The following SPTA1 variants were observed in gnomAD, a reference collection of about 807,000 sequenced individuals.
SPTA1 encodes the protein spectrin alpha chain, erythrocytic 1.
Under a neutral mutation model 324.7 loss-of-function variants are expected in SPTA1, and 177 were observed. That is an observed-to-expected ratio of 0.55 (90% CI 0.48 to 0.62). The LOEUF is 0.62. Among genes scored for constraint, SPTA1 ranks in the 20% least tolerant of loss-of-function variants. SPTA1 has a pLI of 0.00. For missense variants in SPTA1, 3,162 were observed against 2,883.6 expected, an observed-to-expected ratio of 1.10 and a Z score of -2.21; for synonymous variants, 1,195 against 1,041.3, an observed-to-expected ratio of 1.15 and a Z score of -2.84.
Position 158,672,087 on chromosome 1 carries a change from T to A in SPTA1, c.1460A>T (p.Gln487Leu). The stretch of plus-strand genomic sequence containing the variant: ...TTGTCTACTCATCCAACTGTCCACT[T>A]GCTCACTGTCTCTGTAGAAGAGATG... ...DFHLFYRDSE[Q>L]VDSWMSRQEA... is the part of the protein sequence containing the mutation. Residue 487 changes from glutamine to leucine, a missense_variant, in exon 11 of 52, where the codon CAA becomes CTA. Coordinates refer to ENST00000643759, the MANE Select transcript of SPTA1 (RefSeq NM_003126.4). The A allele has an allele frequency of 6.2e-7, 1 of 1,614,102 alleles. No individual in the cohort carries two copies. The highest frequency in any genetic ancestry group is 8.5e-7 in the Non-Finnish European group (1 of 1,179,974).
At chr1:158,617,262 C>A (rs999853931) in intron 47 of SPTA1, among the ~76,000 whole-genome samples, 1 of 152,184 alleles carries the variant, frequency 6.6e-6, no homozygotes, top group Non-Finnish European at 1.5e-5. Context: ...CAAAGCCTCT[C>A]CCACTCTGGG....
intron 5 of SPTA1, among the ~76,000 whole-genome samples, chr1:158,678,891 AC>A (rs1197151496): frequency 1.6e-4 from 25 of 152,288 alleles, no homozygotes. Context: ...TTTATGAAAT[AC>A]AACTTAATTT....
intron 50 of SPTA1, 130 bp downstream of exon 50, chr1:158,613,591 A>T: frequency 2.2e-6 from 3 of 1,348,598 alleles, no homozygotes; most frequent in Middle Eastern, 2.5e-4. Flanking sequence ...TGCCTAATTC[A>T]TTTATGGTTG....
intron 37 of SPTA1, 123 bp downstream of exon 37, chr1:158,636,518 A>C (rs1651083637): frequency 4.5e-6 from 5 of 1,120,284 alleles, no homozygotes; most frequent in Admixed American, 3.7e-5. Flanking sequence ...AAACTCTTTG[A>C]CTAACTCTCT....
intron 45 of SPTA1, among the ~76,000 whole-genome samples, chr1:158,618,458 A>C (rs932256467): frequency 6.6e-6 from 1 of 152,226 alleles, no homozygotes; most frequent in African/African-American, 2.4e-5. Context: ...AAAAGTATAT[A>C]TCATGAATTG....
chr1:158,640,087 G>A, intron 33 of SPTA1, 80 bp from the exon 34 acceptor site: 1 of 1,602,344 alleles, frequency 6.2e-7, no homozygotes, highest in Non-Finnish European at 8.5e-7. Flanking sequence ...AATGTAGGAA[G>A]GCTGTGAAGG....
intron 27 of SPTA1, among the ~76,000 whole-genome samples, chr1:158,646,115 A>G (rs1651981206): frequency 6.6e-6 from 1 of 152,136 alleles, no homozygotes; most frequent in South Asian, 2.1e-4. Flanking sequence ...TTTGGCCAAC[A>G]TACACATACA....
intron 33 of SPTA1, among the ~76,000 whole-genome samples, chr1:158,640,348 G>A (rs1651454271): frequency 6.6e-6 from 1 of 152,078 alleles, no homozygotes; most frequent in Admixed American, 6.6e-5. Flanking sequence ...GAGTATGATG[G>A]GAGTGATAAG....
At chr1:158,622,692 T>A in intron 43 of SPTA1, 1 of 374,104 alleles carries the variant, frequency 2.7e-6, no homozygotes, top group Non-Finnish European at 5.1e-6. Context: ...CCTGACAGTT[T>A]TAATTCTATC....
At chr1:158,681,421 AAC>A in intron 4 of SPTA1, 104 bp downstream of exon 4, 1 of 1,573,918 alleles carries the variant, frequency 6.4e-7, no homozygotes, top group Non-Finnish European at 8.7e-7. Flanking sequence ...CAAAGCCAGG[AAC>A]AGACATCCTG....
In SPTA1 at chr1:158,642,929, C is replaced by T. The variant is rs41273523; in HGVS notation, c.4490G>A (p.Gly1497Glu). The T allele has an allele frequency of 0.016, 25,289 of 1,613,718 alleles. 230 individuals carry two copies. Among genetic ancestry groups the T allele is most frequent in the Non-Finnish European group, 0.018 (21,074 of 1,179,808 alleles). ...AQLIDERTKL[G>E]DYANLKQFYR... ...GAATTGTTTTAGGTTGGCATAGTCT[C>T]CAAGCTTTGTCCGCTCATCAATCAG... Residue 1497 changes from glycine to glutamate, a missense_variant, in exon 32 of 52, where the codon GGA becomes GAA. Coordinates refer to ENST00000643759, the MANE Select transcript of SPTA1 (RefSeq NM_003126.4).
rs3737515 is a variant in SPTA1 at position 158,627,717 on chromosome 1, G to A, written c.5572C>T (p.Leu1858=). ...TTTTCCAAAGCTTCATGCTTCATTA[G>A]CAAGCTCTGCATAAATAAGTCGGTG... ...GDTLAATQSL[L]MKHEALENDF... The change falls in exon 40 of 52, where the codon CTA becomes TTA. Residue 1858 remains leucine (L), a synonymous_variant. Coordinates refer to ENST00000643759, the MANE Select transcript of SPTA1 (RefSeq NM_003126.4). 1.9e-6 allele frequency: 3 copies of A among 1,611,584 alleles called. No homozygotes were observed. The highest frequency in any genetic ancestry group is 2.2e-5 in the South Asian group (2 of 91,066).
At position 158,610,789 on chromosome 1, in the gene SPTA1, G is replaced by A. The variant is rs1649203744; in HGVS notation, c.*475C>T. The A allele has an allele frequency of 6.6e-6, 1 of 152,306 alleles. No individual in the cohort carries two copies. The highest frequency in any genetic ancestry group is 1.5e-5 in the Non-Finnish European group (1 of 68,334). 9.4% of individuals were successfully genotyped at this position (152,306 alleles called of 1,614,324 possible). On this transcript the variant is annotated 3_prime_UTR_variant, in exon 52 of 52. Coordinates refer to ENST00000643759, the MANE Select transcript of SPTA1 (RefSeq NM_003126.4). ...AAAAAAATTGTTTGAAAATTGCCTT[G>A]GATTTTATTTATCTACTATACCATG...
At position 158,661,385 on chromosome 1, in the gene SPTA1, T is replaced by C. The variant is rs1177719312; in HGVS notation, c.2489A>G (p.Lys830Arg). 1 of 1,613,874 alleles carries C rather than the reference T, an allele frequency of 6.2e-7. No individual in the cohort carries two copies. The highest frequency in any genetic ancestry group is 1.1e-5 in the South Asian group (1 of 91,072). Residue 830 changes from lysine to arginine, a missense_variant, in exon 18 of 52, where the codon AAG becomes AGG. Coordinates refer to ENST00000643759, the MANE Select transcript of SPTA1 (RefSeq NM_003126.4). Reference sequence around the variant, plus strand: ...GATGACTCTATGCCTATTCAGAAGCTTTTTGGAAGCAATCAGGTCCTTTCC... The same window carrying C: ...GATGACTCTATGCCTATTCAGAAGCCTTTTGGAAGCAATCAGGTCCTTTCC... Reference protein sequence around the residue: ...YLGKDLIASKKLLNRHRVILE... With the variant: ...YLGKDLIASKRLLNRHRVILE...
Position 158,620,659 on chromosome 1 carries a change from C to G in SPTA1, c.6121-193G>C. 3 of 594,042 alleles carry G rather than the reference C, an allele frequency of 5.1e-6. No individual in the cohort carries two copies. In the South Asian group the frequency reaches 7.5e-5, roughly 15 times the overall value. The allele number at this position is 594,042 out of a possible 1,614,324, so 36.8% of individuals were successfully genotyped here. On this transcript the variant is annotated intron_variant, in intron 43 of 51. Transcript: ENST00000643759. ...TGAGTTAGCGGTACGAGCCCTGGTT[C>G]TGGCATTTTCTCATTGTGTGAAATT... is the stretch of plus-strand genomic sequence containing the variant.
At chr1:158,615,789 T>A (rs1649521646) in intron 47 of SPTA1, among the ~76,000 whole-genome samples, 1 of 152,204 alleles carries the variant, frequency 6.6e-6, no homozygotes, top group African/African-American at 2.4e-5. Context: ...AGTCCATGCA[T>A]CATCAATGGC....
At position 158,634,529 on chromosome 1, in the gene SPTA1, T is replaced by C; in HGVS notation, c.5565+14A>G. 1 of 1,613,682 alleles carries C rather than the reference T, an allele frequency of 6.2e-7. No homozygotes were observed. The highest frequency in any genetic ancestry group is 8.5e-7 in the Non-Finnish European group (1 of 1,180,004). On this transcript the variant is annotated intron_variant, in intron 39 of 51. Transcript: ENST00000643759. ...TGAAGAGAAGAAAATTGATTCATTC[T>C]TCCTGTTCCTCACCTGAGTAGCAGC...
In SPTA1 at chr1:158,620,255, G is replaced by C. The variant is rs773465179; in HGVS notation, c.6332C>G (p.Ala2111Gly). Residue 2111 changes from alanine to glycine, a missense_variant, in exon 44 of 52, where the codon GCC becomes GGC. By Grantham distance (60) the Ala-to-Gly change is moderately conservative. Transcript: ENST00000643759. ...ATAAGGGCTGGAAGGCACACCTAAG[G>C]CCTTAATCTGCTGGTCTAGCTCCAG... ...CLLELDQQIK[A>G]LGVPSSPYTW... The C allele has an allele frequency of 1.2e-6, 2 of 1,613,952 alleles. No homozygotes were observed. The highest frequency in any genetic ancestry group is 2.7e-5 in the African/African-American group (2 of 74,912).
Position 158,649,894 on chromosome 1 carries a change from C to T in SPTA1, c.3531G>A (p.Gln1177=). The change falls in exon 25 of 52, where the codon CAG becomes CAA. Residue 1177 remains glutamine (Q), a synonymous_variant. Transcript: ENST00000643759. ...SLQRLADEQR[Q]LLGSAHAVEV... is the part of the protein sequence containing the mutation. Reference sequence around the variant, plus strand: ...CAACAGCATGGGCACTGCCCAGCAGCTGCCGCTGTTCATCTGCAAGCCTCT... The same window carrying T: ...CAACAGCATGGGCACTGCCCAGCAGTTGCCGCTGTTCATCTGCAAGCCTCT... The T allele has an allele frequency of 1.2e-6, 2 of 1,613,870 alleles. No individual in the cohort carries two copies. The highest frequency in any genetic ancestry group is 1.7e-6 in the Non-Finnish European group (2 of 1,179,894).
Sources: gnomAD v4.1 joint callset for allele counts (sites outside exome capture counted in the v4.1 genomes callset) on GRCh38, gnomAD v4.1.1 for gene constraint, MANE v1.5 for transcripts, NCBI Gene and HGNC (gene_info 2026-07-23, HGNC 2026-07-21) for gene names.